Variants in GUCY1A2 observed in about 807,000 individuals in gnomAD.
GUCY1A2 encodes the protein guanylate cyclase 1 soluble subunit alpha 2.
A neutral mutation model predicts 63.5 loss-of-function variants in GUCY1A2; 27 were observed. The observed-to-expected ratio is 0.43, with a 90% CI of 0.31 to 0.59. The LOEUF is 0.59. GUCY1A2 is among the 20% of genes least tolerant of loss of function. GUCY1A2 has a pLI of 0.11. For synonymous variants in GUCY1A2, 364 were observed against 343.5 expected (o/e 1.06, Z -0.66); for missense variants, 768 against 913.3 (o/e 0.84, Z 2.05).
chr11:106,806,517 T>C (rs202172174), intron 5 of GUCY1A2, among the ~76,000 whole-genome samples: 1 of 152,196 alleles, frequency 6.6e-6, no homozygotes, highest in East Asian at 1.9e-4. Flanking sequence ...GTCAATGCCA[T>C]TATTATTGTT....
chr11:106,912,922 C>T (rs1362297069), intron 4 of GUCY1A2, among the ~76,000 whole-genome samples: 7 of 152,120 alleles, frequency 4.6e-5, no homozygotes, highest in Non-Finnish European at 1.0e-4. Flanking sequence ...AAAACCTATA[C>T]TGATTTCTAC....
chr11:106,696,788 T>C (rs575808981), intron 7 of GUCY1A2, among the ~76,000 whole-genome samples: 1 of 152,138 alleles, frequency 6.6e-6, no homozygotes, highest in Admixed American at 6.5e-5. Context: ...TCCTTGCAAA[T>C]TCCACTAAAA....
chr11:106,950,483 G>A (rs2120021242), intron 3 of GUCY1A2, among the ~76,000 whole-genome samples: 1 of 152,326 alleles, frequency 6.6e-6, no homozygotes, highest in African/African-American at 2.4e-5. Context: ...CTGCCACACT[G>A]AAAATAGGGC....
chr11:106,771,090 G>A (rs1031719954), intron 6 of GUCY1A2, among the ~76,000 whole-genome samples: 1 of 151,888 alleles, frequency 6.6e-6, no homozygotes, highest in Admixed American at 6.6e-5. Context: ...AAAGACATTT[G>A]GACATACTCA....
chr11:106,835,147 T>C (rs899992725), intron 4 of GUCY1A2, among the ~76,000 whole-genome samples: 4 of 151,806 alleles, frequency 2.6e-5, no homozygotes, highest in African/African-American at 7.3e-5. Context: ...ACTTGGAATA[T>C]AAAATATACA....
chr11:106,904,190 C>A (rs1004184658), intron 4 of GUCY1A2, among the ~76,000 whole-genome samples: 1 of 152,090 alleles, frequency 6.6e-6, no homozygotes, highest in African/African-American at 2.4e-5. Flanking sequence ...CACTTACCTC[C>A]ACCTTTTCTG....
chr11:106,776,298 C>T, intron 6 of GUCY1A2, 141 bp downstream of exon 6: 1 of 625,030 alleles, frequency 1.6e-6, no homozygotes, highest in Non-Finnish European at 2.8e-6. Flanking sequence ...TATGAGTTAT[C>T]TCTAGTCACT....
intron 4 of GUCY1A2, among the ~76,000 whole-genome samples, chr11:106,912,458 T>A (rs1331473380): frequency 6.6e-6 from 1 of 152,070 alleles, no homozygotes; most frequent in Non-Finnish European, 1.5e-5. Flanking sequence ...TTTAAAAAAA[T>A]ATGTTCTCCC....
intron 4 of GUCY1A2, among the ~76,000 whole-genome samples, chr11:106,879,412 C>G (rs1859794244): frequency 2.6e-5 from 4 of 152,012 alleles, no homozygotes; most frequent in Admixed American, 2.6e-4. Flanking sequence ...AAATTAGAGT[C>G]AAGAAAGAAA....
At chr11:107,002,455 CAT>C (rs558386106) in intron 1 of GUCY1A2, among the ~76,000 whole-genome samples, 4 of 151,276 alleles carry the variant, frequency 2.6e-5, no homozygotes, top group African/African-American at 7.3e-5. Context: ...TTTATAACTA[CAT>C]ATATATATAA....
intron 4 of GUCY1A2, among the ~76,000 whole-genome samples, chr11:106,908,191 C>G (rs185746630): frequency 3.9e-5 from 6 of 151,904 alleles, no homozygotes; most frequent in African/African-American, 1.5e-4. Flanking sequence ...AGAAAGGAAA[C>G]GTAGATATTA....
intron 4 of GUCY1A2, among the ~76,000 whole-genome samples, chr11:106,830,934 G>A (rs1859042234): frequency 6.6e-6 from 1 of 151,898 alleles, no homozygotes; most frequent in Admixed American, 6.6e-5. Context: ...TATTCAGCTG[G>A]CATATGAAAG....
intron 4 of GUCY1A2, among the ~76,000 whole-genome samples, chr11:106,932,073 A>C (rs1450625470): frequency 6.6e-6 from 1 of 152,144 alleles, no homozygotes. Flanking sequence ...ATTCTAACTT[A>C]AAAACAAAAG....
chr11:106,747,080 C>T (rs1166218730), intron 6 of GUCY1A2, among the ~76,000 whole-genome samples: 1 of 152,102 alleles, frequency 6.6e-6, no homozygotes. Context: ...CTCCACCTCC[C>T]GGGTTCACGC....
Position 106,686,608 on chromosome 11 carries a change from C to A in GUCY1A2, c.*941G>T, listed in dbSNP as rs1318806174. The A allele has an allele frequency of 3.2e-5, 7 of 217,106 alleles. No individual in the cohort carries two copies. Among genetic ancestry groups the A allele is most frequent in the Non-Finnish European group, 6.5e-5 (7 of 107,954 alleles). The allele number at this position is 217,106 out of a possible 1,614,324, so 13.4% of individuals were successfully genotyped here. On this transcript the variant is annotated 3_prime_UTR_variant, in exon 8 of 8. Transcript: ENST00000526355. ...TAGCTGAATGCTGTTTATTAGAATG[C>A]AGTTTAGTGTTGCAAAAGCTACCTA...
intron 4 of GUCY1A2, among the ~76,000 whole-genome samples, chr11:106,903,384 A>T (rs953704597): frequency 9.2e-5 from 14 of 152,176 alleles, no homozygotes; most frequent in African/African-American, 3.4e-4. Context: ...AAACAATGAT[A>T]TGGAATTTCT....
chr11:106,701,106 T>C (rs949232262), intron 7 of GUCY1A2, among the ~76,000 whole-genome samples: 1 of 152,118 alleles, frequency 6.6e-6, no homozygotes, highest in Non-Finnish European at 1.5e-5. Flanking sequence ...CAGAAAGATA[T>C]GCATTCCTCC....
chr11:106,940,801 C>A lies in GUCY1A2; in HGVS notation c.488-623G>T, dbSNP rs146171603. ...ATCTAGCTGTTCACCTTTCAATAGC[C>A]TTGCAGTAGTTATCATAAATAATAT... On this transcript the variant is annotated intron_variant, in intron 3 of 7. Coordinates refer to ENST00000526355, the MANE Select transcript of GUCY1A2 (RefSeq NM_000855.3). Among the ~76,000 whole-genome samples the A allele has an allele frequency of 2.5e-4, 38 of 152,262 alleles. No individual in the cohort carries two copies. In the East Asian group the frequency reaches 4.6e-3, roughly 19 times the overall value.
At chr11:106,991,226 G>C (rs1861466774) in intron 1 of GUCY1A2, among the ~76,000 whole-genome samples, 1 of 151,558 alleles carries the variant, frequency 6.6e-6, no homozygotes, top group Admixed American at 6.6e-5. Context: ...TCAAACTCCT[G>C]ACCTTAAGTG....
Sources: allele counts gnomAD v4.1 joint callset (sites outside exome capture counted in the v4.1 genomes callset), GRCh38; gene constraint gnomAD v4.1.1; transcripts MANE v1.5; gene names NCBI Gene and HGNC (gene_info 2026-07-23, HGNC 2026-07-21).